The following UNC13B variants were observed in gnomAD, a reference collection of about 807,000 sequenced individuals.
The protein encoded by UNC13B is protein unc-13 homolog B.
UNC13B carries 144 observed loss-of-function variants against 211.0 expected under a neutral mutation model. That is an observed-to-expected ratio of 0.68 (90% CI 0.60 to 0.78). The LOEUF is 0.78. UNC13B is among the 30% of genes least tolerant of loss of function. UNC13B has a pLI of 0.00. For synonymous variants in UNC13B, 709 were observed against 725.8 expected, an observed-to-expected ratio of 0.98 and a Z score of 0.37; for missense variants, 1,777 against 2,002.0, an observed-to-expected ratio of 0.89 and a Z score of 2.14.
intron 5 of UNC13B, among the ~76,000 whole-genome samples, chr9:35,239,428 G>A (rs1457614757): frequency 6.6e-6 from 1 of 152,168 alleles, no homozygotes; most frequent in African/African-American, 2.4e-5. Context: ...GGGTCACAGA[G>A]ATCACATGCT....
intron 7 of UNC13B, among the ~76,000 whole-genome samples, chr9:35,269,864 C>CA (rs935312672): frequency 2.3e-4 from 35 of 152,224 alleles, no homozygotes; most frequent in African/African-American, 8.2e-4. Context: ...CGCATACCCC[C>CA]ACCCCTCTTT....
chr9:35,343,436 G>T (rs1832144196), intron 11 of UNC13B, among the ~76,000 whole-genome samples: 1 of 152,192 alleles, frequency 6.6e-6, no homozygotes, highest in Admixed American at 6.5e-5. Context: ...AGGTAACCAG[G>T]TTTATCCTGT....
chr9:35,168,912 A>T (rs1358388596), intron 1 of UNC13B, among the ~76,000 whole-genome samples: 1 of 151,980 alleles, frequency 6.6e-6, no homozygotes, highest in Non-Finnish European at 1.5e-5. Context: ...GGCTCAAGCA[A>T]TCTGCCTGTC....
chr9:35,172,767 CT>C (rs1037479564), intron 1 of UNC13B, among the ~76,000 whole-genome samples: 4 of 149,008 alleles, frequency 2.7e-5, no homozygotes, highest in Non-Finnish European at 4.5e-5. Flanking sequence ...ATCATGAAAT[CT>C]TTTTTTTTTG....
intron 22 of UNC13B, chr9:35,385,071 C>T: frequency 1.0e-6 from 1 of 985,420 alleles, no homozygotes; most frequent in Non-Finnish European, 1.2e-6. Context: ...TATAAGTAGC[C>T]ATTTGAAGGT....
At chr9:35,365,037 G>T (rs1833687966) in intron 11 of UNC13B, among the ~76,000 whole-genome samples, 1 of 152,188 alleles carries the variant, frequency 6.6e-6, no homozygotes, top group South Asian at 2.1e-4. Flanking sequence ...TCTTGCCTGA[G>T]GCCCTAAGTG....
intron 1 of UNC13B, among the ~76,000 whole-genome samples, chr9:35,186,866 C>T (rs545428948): frequency 5.3e-5 from 8 of 152,210 alleles, no homozygotes; most frequent in Middle Eastern, 3.4e-3. Context: ...CGCCCGGCCA[C>T]GAGATGCTTC....
At chr9:35,191,873 A>G (rs1822679619) in intron 1 of UNC13B, among the ~76,000 whole-genome samples, 2 of 152,234 alleles carry the variant, frequency 1.3e-5, no homozygotes, top group Non-Finnish European at 2.9e-5. Flanking sequence ...CTGGGTCTGC[A>G]TCTTAACCTA....
rs1174519252 is a variant in UNC13B at position 35,405,178 on chromosome 9, T to C, written c.*1145T>C. Reference sequence around the variant, plus strand: ...TGACATGGTTCTTGGATTTCCTCTGTAGCAGCCTCCTGGACTTCCTGAGGA... The same window carrying C: ...TGACATGGTTCTTGGATTTCCTCTGCAGCAGCCTCCTGGACTTCCTGAGGA... On this transcript the variant is annotated 3_prime_UTR_variant, in exon 40 of 40. Coordinates refer to ENST00000635942, the MANE Select transcript of UNC13B (RefSeq NM_001371189.2). 1 of 152,614 alleles carries C rather than the reference T, an allele frequency of 6.6e-6. No homozygotes were observed. The highest frequency in any genetic ancestry group is 1.5e-5 in the Non-Finnish European group (1 of 68,040). The allele number at this position is 152,614 out of a possible 1,614,324, so 9.5% of individuals were successfully genotyped here. A position where few individuals can be genotyped will look rare whatever the true frequency, so the allele number is the denominator to read the frequency against.
In UNC13B at chr9:35,302,794, T is replaced by A; in HGVS notation, c.3390T>A (p.Asn1130Lys). 2.5e-6 allele frequency: 1 copy of A among 398,678 alleles called. No individual in the cohort carries two copies. Among genetic ancestry groups the A allele is most frequent in the Non-Finnish European group, 4.4e-6 (1 of 225,766 alleles). 24.7% of individuals were successfully genotyped at this position (398,678 alleles called of 1,614,324 possible). A position where few individuals can be genotyped will look rare whatever the true frequency, so the allele number is the denominator to read the frequency against. ...AATCCACTTTGGTTAATGAAATTAA[T>A]GAAGATGAGGTTATAGATAAGACTT... ...TSKSTLVNEINEDEVIDKTSK... is the reference protein window; with the variant it reads ...TSKSTLVNEIKEDEVIDKTSK... The change falls in exon 9 of 40, where the codon AAT (asparagine) becomes AAA (lysine). Residue 1130 changes from asparagine (N) to lysine (K), a missense_variant. Asn to Lys is a moderately conservative substitution (Grantham distance 94, BLOSUM62 0). Coordinates refer to ENST00000635942, the MANE Select transcript of UNC13B (RefSeq NM_001371189.2).
At chr9:35,334,913 C>T (rs1000571841) in intron 11 of UNC13B, among the ~76,000 whole-genome samples, 4 of 152,130 alleles carry the variant, frequency 2.6e-5, no homozygotes, top group Non-Finnish European at 5.9e-5. Context: ...TGGCGGGCAC[C>T]TGTAATCCCA....
At chr9:35,288,445 A>G (rs1008998338) in intron 7 of UNC13B, among the ~76,000 whole-genome samples, 1 of 152,220 alleles carries the variant, frequency 6.6e-6, no homozygotes, top group Non-Finnish European at 1.5e-5. Flanking sequence ...CTCACTGAAC[A>G]TGCCTTTGCA....
intron 1 of UNC13B, among the ~76,000 whole-genome samples, chr9:35,200,460 A>G (rs1354003500): frequency 3.9e-5 from 6 of 152,176 alleles, no homozygotes; most frequent in Non-Finnish European, 7.3e-5. Context: ...CATTCTTCCT[A>G]TCCATGAGCA....
rs1261631628 is a variant in UNC13B at position 35,384,241 on chromosome 9, C to A, written c.10807-5C>A. The A allele has an allele frequency of 6.2e-7, 1 of 1,613,876 alleles. No homozygotes were observed. The highest frequency in any genetic ancestry group is 8.5e-7 in the Non-Finnish European group (1 of 1,179,942). On this transcript the variant is annotated splice_polypyrimidine_tract_variant and splice_region_variant and intron_variant, in intron 21 of 39. Transcript: ENST00000635942. ...TCTTCCCCTTTATTTGTTTCTCACC[C>A]TCAGAAAGAGAGATTTGTAAAACTG...
At chr9:35,192,618 C>A (rs868447137) in intron 1 of UNC13B, among the ~76,000 whole-genome samples, 8 of 152,156 alleles carry the variant, frequency 5.3e-5, no homozygotes, top group East Asian at 3.9e-4. Context: ...TTAGATTGTT[C>A]CCCTGGAAGT....
intron 8 of UNC13B, among the ~76,000 whole-genome samples, chr9:35,298,353 C>A (rs561559009): frequency 6.6e-6 from 1 of 152,012 alleles, no homozygotes; most frequent in Non-Finnish European, 1.5e-5. Flanking sequence ...TCTGGGAGGT[C>A]GAAGCTATAG....
intron 16 of UNC13B, 145 bp from the exon 17 acceptor site, chr9:35,378,150 C>A: frequency 8.3e-7 from 1 of 1,198,980 alleles, no homozygotes; most frequent in Non-Finnish European, 1.1e-6. Context: ...AGGCTGGTGG[C>A]CCAGGACAAA....
intron 8 of UNC13B, among the ~76,000 whole-genome samples, chr9:35,299,772 G>A (rs901769416): frequency 3.3e-5 from 5 of 152,186 alleles, no homozygotes; most frequent in African/African-American, 1.2e-4. Flanking sequence ...CATTGAACAT[G>A]TATTAAATCT....
chr9:35,272,212 GT>G lies in UNC13B; in HGVS notation c.526+13173del, dbSNP rs55638252. The stretch of plus-strand genomic sequence containing the variant: ...AACCACAAGGAAATATAATTTTTTT[GT>G]TTTTTTTTTTGGTTGTTTCATTTTG... On this transcript the variant is annotated intron_variant, in intron 7 of 39. Coordinates refer to ENST00000635942, the MANE Select transcript of UNC13B (RefSeq NM_001371189.2). Among the ~76,000 whole-genome samples the G allele has an allele frequency of 1.0e-3, 137 of 137,434 alleles. 1 individual carries two copies. The South Asian group carries it at 0.02, about 20-fold the overall frequency. 90.2% of individuals were successfully genotyped at this position (137,434 alleles called of 152,430 possible).
Sources: allele counts gnomAD v4.1 joint callset (sites outside exome capture counted in the v4.1 genomes callset), GRCh38; gene constraint gnomAD v4.1.1; transcripts MANE v1.5; gene names NCBI Gene and HGNC (gene_info 2026-07-23, HGNC 2026-07-21).